The following TBC1D4 variants were observed in gnomAD, a reference collection of about 807,000 sequenced individuals.
TBC1D4 encodes the protein TBC1 domain family member 4.
A neutral mutation model predicts 142.5 loss-of-function variants in TBC1D4; 121 were observed. The observed-to-expected ratio is 0.85, with a 90% confidence interval of 0.73 to 0.99. TBC1D4 has a LOEUF of 0.99. Among genes scored for constraint, TBC1D4 ranks in the 50% least tolerant of loss-of-function variants. TBC1D4 has a pLI of 0.00. For missense variants in TBC1D4, 1,475 were observed against 1,606.6 expected, an observed-to-expected ratio of 0.92 and a Z score of 1.40; for synonymous variants, 630 against 628.2, an observed-to-expected ratio of 1.00 and a Z score of -0.04.
In TBC1D4 at chr13:75,349,297, A is replaced by G; in HGVS notation, c.1281T>C (p.Asp427=). The G allele has an allele frequency of 6.2e-7, 1 of 1,613,274 alleles. No homozygotes were observed. Among genetic ancestry groups the G allele is most frequent in the South Asian group, 1.1e-5 (1 of 91,072 alleles). Residue 427 remains aspartate (D), a synonymous_variant, in exon 5 of 21, where the codon GAT becomes GAC. Coordinates refer to ENST00000377636, the MANE Select transcript of TBC1D4 (RefSeq NM_014832.5). ...CCTGTTTCAGAGTCAGCATTACCTC[A>G]TCAACCTACAGGAAGAAACAAAACT... The part of the protein sequence containing the change: ...VFQCASESLV[D]EVMLTLKQAF...
intron 1 of TBC1D4, among the ~76,000 whole-genome samples, chr13:75,431,279 T>G (rs891636953): frequency 1.3e-5 from 2 of 152,218 alleles, no homozygotes; most frequent in Admixed American, 1.3e-4. Flanking sequence ...CTGAAGAACT[T>G]TGAGAAAACA....
chr13:75,426,712 C>G (rs1886383611), intron 1 of TBC1D4, among the ~76,000 whole-genome samples: 1 of 152,070 alleles, frequency 6.6e-6, no homozygotes, highest in Non-Finnish European at 1.5e-5. Context: ...AAAGAAAAAG[C>G]ATCCCCAAAA....
chr13:75,301,690 T>A lies in TBC1D4; in HGVS notation c.2911+553A>T, dbSNP rs187834361. On this transcript the variant is annotated intron_variant, in intron 16 of 20. Transcript: ENST00000377636. Reference sequence around the variant, plus strand: ...TTTATGATTCTGTCACTGGAAATTCTCCGCCAGGTCATGAGTACCCATTCC... The same window carrying A: ...TTTATGATTCTGTCACTGGAAATTCACCGCCAGGTCATGAGTACCCATTCC... Among the ~76,000 whole-genome samples the A allele has an allele frequency of 2.6e-3, 398 of 152,140 alleles. 8 individuals are homozygous for A. Among genetic ancestry groups the A allele is most frequent in the Admixed American group, 0.023 (349 of 15,284 alleles).
At chr13:75,348,178 T>C (rs1461747460) in intron 5 of TBC1D4, among the ~76,000 whole-genome samples, 3 of 152,154 alleles carry the variant, frequency 2.0e-5, no homozygotes, top group Admixed American at 6.5e-5. Flanking sequence ...CTGTGTTTGA[T>C]CACATAGTTG....
At chr13:75,433,382 T>C (rs1886666850) in intron 1 of TBC1D4, among the ~76,000 whole-genome samples, 3 of 152,208 alleles carry the variant, frequency 2.0e-5, no homozygotes, top group Non-Finnish European at 2.9e-5. Flanking sequence ...TTGTACAATC[T>C]GTTCCGATTC....
intron 1 of TBC1D4, among the ~76,000 whole-genome samples, chr13:75,419,076 AACAC>A (rs138018078): frequency 1.3e-5 from 2 of 150,070 alleles, no homozygotes; most frequent in East Asian, 1.9e-4. Context: ...CACACACACA[AACAC>A]ACACACACAC....
Position 75,286,731 on chromosome 13 carries a change from C to T in TBC1D4, c.*61G>A. 6.5e-7 allele frequency: 1 copy of T among 1,533,938 alleles called. No homozygotes were observed. The highest frequency in any genetic ancestry group is 1.8e-5 in the Admixed American group (1 of 54,162). ...GGTCCAGCCTTGGGCCAGCGACATG[C>T]AGGCTCTTCCTCTCTGTAGTATTCT... On this transcript the variant is annotated 3_prime_UTR_variant, in exon 21 of 21. Coordinates refer to ENST00000377636, the MANE Select transcript of TBC1D4 (RefSeq NM_014832.5).
intron 1 of TBC1D4, among the ~76,000 whole-genome samples, chr13:75,384,095 TA>T (rs570526110): frequency 1.3e-5 from 1 of 76,678 alleles, no homozygotes; most frequent in Non-Finnish European, 3.5e-5. Flanking sequence ...TAAAGTATAA[TA>T]AAAAAAAATA....
At chr13:75,293,406 G>A (rs573950891) in intron 18 of TBC1D4, among the ~76,000 whole-genome samples, 2 of 151,916 alleles carry the variant, frequency 1.3e-5, no homozygotes, top group East Asian at 3.9e-4. Flanking sequence ...AGCATCATTT[G>A]TATTCTCATG....
At chr13:75,357,889 T>A (rs1285047731) in intron 3 of TBC1D4, among the ~76,000 whole-genome samples, 1 of 152,214 alleles carries the variant, frequency 6.6e-6, no homozygotes, top group Admixed American at 6.5e-5. Flanking sequence ...TATTTCTTTT[T>A]CTGAACCAGA....
chr13:75,413,449 C>T (rs1266227834), intron 1 of TBC1D4, among the ~76,000 whole-genome samples: 5 of 152,120 alleles, frequency 3.3e-5, no homozygotes, highest in African/African-American at 1.2e-4. Context: ...CGTGAGCCAC[C>T]GCACCCGGCC....
chr13:75,348,954 A>AGAGTGT (rs969343152), intron 5 of TBC1D4, among the ~76,000 whole-genome samples: 52 of 139,162 alleles, frequency 3.7e-4, no homozygotes, highest in African/African-American at 8.8e-4. Flanking sequence ...AGAGAGAGAG[A>AGAGTGT]GTGTGTGTGT....
intron 1 of TBC1D4, among the ~76,000 whole-genome samples, chr13:75,475,521 T>C (rs1355728896): frequency 6.6e-6 from 1 of 152,264 alleles, no homozygotes; most frequent in Non-Finnish European, 1.5e-5. Flanking sequence ...CATTATCTTA[T>C]TCACTAAATT....
intron 1 of TBC1D4, among the ~76,000 whole-genome samples, chr13:75,465,610 G>A (rs1888134081): frequency 6.6e-6 from 1 of 152,102 alleles, no homozygotes; most frequent in South Asian, 2.1e-4. Flanking sequence ...ACAACCATGT[G>A]AATGGACCCT....
At chr13:75,429,737 T>A (rs1354364522) in intron 1 of TBC1D4, among the ~76,000 whole-genome samples, 2 of 151,136 alleles carry the variant, frequency 1.3e-5, no homozygotes, top group African/African-American at 2.4e-5. Context: ...TTGGAAAAAA[T>A]TTAGGAAGAA....
intron 1 of TBC1D4, among the ~76,000 whole-genome samples, chr13:75,451,077 A>C (rs1887512802): frequency 6.6e-6 from 1 of 152,102 alleles, no homozygotes; most frequent in African/African-American, 2.4e-5. Flanking sequence ...TGCAAAATTG[A>C]TCTATTACCA....
At chr13:75,335,935 T>C (rs978325119) in intron 8 of TBC1D4, among the ~76,000 whole-genome samples, 1 of 152,216 alleles carries the variant, frequency 6.6e-6, no homozygotes, top group African/African-American at 2.4e-5. Flanking sequence ...AAGAAGAATT[T>C]CTTTATAACT....
chr13:75,302,496 G>T (rs189509905), intron 15 of TBC1D4, 95 bp from the exon 16 acceptor site: 18 of 1,461,988 alleles, frequency 1.2e-5, no homozygotes, highest in Non-Finnish European at 1.7e-5. Context: ...TAAACAGGCA[G>T]CTGTATGTAC....
At chr13:75,410,930 C>T (rs1479540485) in intron 1 of TBC1D4, among the ~76,000 whole-genome samples, 3 of 66,038 alleles carry the variant, frequency 4.5e-5, no homozygotes, top group Non-Finnish European at 7.9e-5. Context: ...AGCGAGACTC[C>T]GTCTCAAAAA....
Sources: gnomAD v4.1 joint callset for allele counts (sites outside exome capture counted in the v4.1 genomes callset) on GRCh38, gnomAD v4.1.1 for gene constraint, MANE v1.5 for transcripts, NCBI Gene and HGNC (gene_info 2026-07-23, HGNC 2026-07-21) for gene names.